The following MSRB3 variants were observed in gnomAD, a reference collection of about 807,000 sequenced individuals.
MSRB3 encodes the protein methionine-R-sulfoxide reductase B3.
In MSRB3, 13 loss-of-function variants were observed where a neutral mutation model predicts 21.0. The ratio of observed to expected loss-of-function variants is 0.62; its 90% CI spans 0.40 to 0.98. The LOEUF (loss-of-function observed/expected upper bound fraction) is 0.98, where lower values mean the gene tolerates loss of function less well. Among genes scored for constraint, MSRB3 ranks in the 50% least tolerant of loss-of-function variants. MSRB3 has a pLI of 0.00. For missense variants in MSRB3, 199 were observed against 230.3 expected, an observed-to-expected ratio of 0.86 and a Z score of 0.88; for synonymous variants, 87 against 88.6, an observed-to-expected ratio of 0.98 and a Z score of 0.10.
chr12:65,446,053 ACT>A (rs1882602809), intron 5 of MSRB3, among the ~76,000 whole-genome samples: 1 of 152,096 alleles, frequency 6.6e-6, no homozygotes, highest in Non-Finnish European at 1.5e-5. Context: ...TGTCATGTTT[ACT>A]CTTTGTCTGG....
At chr12:65,427,834 C>T (rs1881678818) in intron 5 of MSRB3, among the ~76,000 whole-genome samples, 1 of 152,184 alleles carries the variant, frequency 6.6e-6, no homozygotes, top group Non-Finnish European at 1.5e-5. Flanking sequence ...TGAGCTGGTG[C>T]CTGGAGTGCA....
chr12:65,305,403 A>G (rs533451076), intron 1 of MSRB3, among the ~76,000 whole-genome samples: 1 of 152,284 alleles, frequency 6.6e-6, no homozygotes, highest in South Asian at 2.1e-4. Flanking sequence ...TGTTCGTCAT[A>G]CTACCTAGTG....
At chr12:65,357,141 A>G (rs1299918590) in intron 4 of MSRB3, among the ~76,000 whole-genome samples, 2 of 151,826 alleles carry the variant, frequency 1.3e-5, no homozygotes, top group Non-Finnish European at 2.9e-5. Flanking sequence ...GGTACTACTC[A>G]TTATCCACCC....
intron 4 of MSRB3, among the ~76,000 whole-genome samples, chr12:65,350,419 C>G (rs1876880723): frequency 6.6e-6 from 1 of 151,202 alleles, no homozygotes; most frequent in South Asian, 2.1e-4. Flanking sequence ...AGCAAAATCA[C>G]CAGCTAACAT....
At chr12:65,298,156 A>T (rs999276355) in intron 1 of MSRB3, among the ~76,000 whole-genome samples, 1 of 152,170 alleles carries the variant, frequency 6.6e-6, no homozygotes, top group Non-Finnish European at 1.5e-5. Flanking sequence ...GGTGCATGCC[A>T]CCACGACTGG....
chr12:65,321,705 G>T (rs1295543139), intron 2 of MSRB3, among the ~76,000 whole-genome samples: 2 of 151,886 alleles, frequency 1.3e-5, no homozygotes, highest in Non-Finnish European at 2.9e-5. Flanking sequence ...TCTAAAAAAT[G>T]GTCTAAATTT....
chr12:65,430,358 C>T (rs553914823), intron 5 of MSRB3, among the ~76,000 whole-genome samples: 45 of 152,224 alleles, frequency 3.0e-4, no homozygotes, highest in Non-Finnish European at 4.4e-4. Flanking sequence ...GAGTAATTTG[C>T]AATCTAACAC....
intron 4 of MSRB3, among the ~76,000 whole-genome samples, chr12:65,329,279 G>A (rs1461116426): frequency 6.6e-6 from 1 of 152,184 alleles, no homozygotes; most frequent in Admixed American, 6.5e-5. Flanking sequence ...TATCTAGGTG[G>A]AGAAAATTCT....
intron 4 of MSRB3, among the ~76,000 whole-genome samples, chr12:65,332,950 A>C (rs988899871): frequency 2.6e-5 from 4 of 152,182 alleles, no homozygotes; most frequent in African/African-American, 9.7e-5. Flanking sequence ...CACATTTACA[A>C]ATTTTACCAA....
intron 5 of MSRB3, among the ~76,000 whole-genome samples, chr12:65,450,091 G>A (rs1329058620): frequency 6.7e-6 from 1 of 149,768 alleles, no homozygotes; most frequent in African/African-American, 2.4e-5. Context: ...TGGGTTGGAG[G>A]GGGAATGATT....
rs553806936 is a variant in MSRB3, at chr12:65,466,371, A to G, written c.*3049A>G. On this transcript the variant is annotated 3_prime_UTR_variant, in exon 7 of 7. Transcript: ENST00000308259. ...ATGTCAGCTGTCAAGCACTAGATTT[A>G]TTTTTGCAGGATATGGAGTGCAATG... 7 of 152,280 alleles carry G rather than the reference A, an allele frequency of 4.6e-5. No homozygotes were observed. The highest frequency in any genetic ancestry group is 6.5e-5 in the Admixed American group (1 of 15,296). The allele number at this position is 152,280 out of a possible 1,614,324, so 9.4% of individuals were successfully genotyped here. A position where few individuals can be genotyped will look rare whatever the true frequency, so the allele number is the denominator to read the frequency against.
intron 5 of MSRB3, among the ~76,000 whole-genome samples, chr12:65,449,604 A>T (rs2136695479): frequency 6.6e-6 from 1 of 152,354 alleles, no homozygotes; most frequent in East Asian, 1.9e-4. Flanking sequence ...AGTGGGATTC[A>T]TTGCGTTCAA....
chr12:65,308,466 G>C (rs771994941), intron 1 of MSRB3, 63 bp from the exon 2 acceptor site: 3 of 1,575,606 alleles, frequency 1.9e-6, no homozygotes, highest in Non-Finnish European at 2.6e-6. Context: ...GTTGTGCAAT[G>C]AATGTGTTTA....
intron 5 of MSRB3, among the ~76,000 whole-genome samples, chr12:65,382,100 C>G (rs1878969335): frequency 6.6e-6 from 1 of 151,992 alleles, no homozygotes. Flanking sequence ...CCTTTCTTCA[C>G]AAAATCTGTC....
intron 5 of MSRB3, among the ~76,000 whole-genome samples, chr12:65,450,441 A>G (rs1046505790): frequency 6.6e-6 from 1 of 152,240 alleles, no homozygotes; most frequent in African/African-American, 2.4e-5. Context: ...GCTAATATCT[A>G]AAAAGTACAG....
intron 1 of MSRB3, among the ~76,000 whole-genome samples, chr12:65,297,061 C>A (rs1465274194): frequency 6.6e-6 from 1 of 152,122 alleles, no homozygotes; most frequent in Non-Finnish European, 1.5e-5. Context: ...AAGATTATGT[C>A]CTTTGCAGGG....
chr12:65,385,127 T>A (rs1372170577), intron 5 of MSRB3, among the ~76,000 whole-genome samples: 1 of 152,162 alleles, frequency 6.6e-6, no homozygotes, highest in Non-Finnish European at 1.5e-5. Flanking sequence ...GTCTGTTTTG[T>A]CTAAAGATAC....
At chr12:65,320,147 A>C (rs571191378) in intron 2 of MSRB3, among the ~76,000 whole-genome samples, 45 of 152,366 alleles carry the variant, frequency 3.0e-4, no homozygotes, top group African/African-American at 1.1e-3. Context: ...TCTTATGTGA[A>C]GTAAAACAGC....
chr12:65,427,467 C>T (rs1213856215), intron 5 of MSRB3, among the ~76,000 whole-genome samples: 1 of 152,110 alleles, frequency 6.6e-6, no homozygotes, highest in Non-Finnish European at 1.5e-5. Context: ...TAAGGGCCTC[C>T]TGATTTCTTT....
Sources: allele counts gnomAD v4.1 joint callset (sites outside exome capture counted in the v4.1 genomes callset), GRCh38; gene constraint gnomAD v4.1.1; transcripts MANE v1.5; gene names NCBI Gene and HGNC (gene_info 2026-07-23, HGNC 2026-07-21).